HGS: variants seen among roughly 807,000 people sequenced by gnomAD.
HGS encodes the protein hepatocyte growth factor-regulated tyrosine kinase substrate.
A neutral mutation model predicts 109.7 loss-of-function variants in HGS; 63 were observed. The observed-to-expected ratio is 0.57, with a 90% CI of 0.47 to 0.71. HGS has a LOEUF of 0.71. HGS is among the 30% of genes least tolerant of loss of function. The pLI is 0.00. For synonymous variants in HGS, 546 were observed against 437.3 expected (o/e 1.25, Z -3.10); for missense variants, 995 against 1,068.3 (o/e 0.93, Z 0.96).
chr17:81,688,925 G>A, intron 5 of HGS, 98 bp downstream of exon 5: 1 of 1,489,834 alleles, frequency 6.7e-7, no homozygotes, highest in Non-Finnish European at 9.3e-7. Flanking sequence ...AAGATGGGTT[G>A]TTCCCTGTGT....
chr17:81,685,201 G>C (rs1272688422), intron 1 of HGS: 1 of 356,602 alleles, frequency 2.8e-6, no homozygotes, highest in Admixed American at 6.4e-5. Context: ...CATTGAAACC[G>C]GGAGCATCTG....
rs1598751569 is a variant in HGS at position 81,700,315 on chromosome 17, G to A, written c.1883-152G>A. The A allele has an allele frequency of 1.8e-5, 13 of 716,772 alleles. No individual in the cohort carries two copies. The East Asian group carries it at 4.0e-4, about 22-fold the overall frequency. The allele number at this position is 716,772 out of a possible 1,614,324, so 44.4% of individuals were successfully genotyped here. A position where few individuals can be genotyped will look rare whatever the true frequency, so the allele number is the denominator to read the frequency against. On this transcript the variant is annotated intron_variant, in intron 18 of 21. Coordinates refer to ENST00000329138, the MANE Select transcript of HGS (RefSeq NM_004712.5). The stretch of plus-strand genomic sequence containing the variant: ...ACCCGGGAGGCAGAGGTTGCAGTGA[G>A]CCAGGATTGTGCCACTGCACTCCAG...
At chr17:81,700,957 G>A in intron 20 of HGS, 88 bp from the exon 21 acceptor site, 1 of 1,531,754 alleles carries the variant, frequency 6.5e-7, no homozygotes, top group Non-Finnish European at 9.0e-7. Context: ...GCTCCCTGTG[G>A]TCACCTTTGG....
intron 15 of HGS, 172 bp from the exon 16 acceptor site, chr17:81,696,185 G>C: frequency 1.0e-6 from 1 of 963,354 alleles, no homozygotes; most frequent in African/African-American, 1.7e-5. Context: ...GCCCTGCCCT[G>C]CCCTGCCCTG....
intron 14 of HGS, 39 bp from the exon 15 acceptor site, chr17:81,695,747 G>C: frequency 6.3e-7 from 1 of 1,599,200 alleles, no homozygotes; most frequent in Non-Finnish European, 8.6e-7. Flanking sequence ...GCTGGCTGGG[G>C]CGTGGCCGCA....
At position 81,701,657 on chromosome 17, in the gene HGS, G is replaced by C. The variant is rs1390233628; in HGVS notation, c.*39G>C. ...CACGTCCGGAGTAACACTACATACAGTTCACCTGAAACGCCTCGTCTCTAA... is the reference window on the plus strand; with the variant it reads ...CACGTCCGGAGTAACACTACATACACTTCACCTGAAACGCCTCGTCTCTAA... On this transcript the variant is annotated 3_prime_UTR_variant, in exon 22 of 22. Transcript: ENST00000329138. The C allele has an allele frequency of 6.6e-6, 10 of 1,519,080 alleles. No homozygotes were observed. Among genetic ancestry groups the C allele is most frequent in the Non-Finnish European group, 7.9e-6 (9 of 1,132,378 alleles). 94.1% of individuals were successfully genotyped at this position (1,519,080 alleles called of 1,614,324 possible). A position where few individuals can be genotyped will look rare whatever the true frequency, so the allele number is the denominator to read the frequency against.
At position 81,696,000 on chromosome 17, in the gene HGS, G is replaced by A; in HGVS notation, c.1393+1G>A. The stretch of plus-strand genomic sequence containing the variant: ...CTCAACCAGCTGGACGAGCGCAGGC[G>A]TAGGTGCCCGCGCCACGGGGCCTCG... On this transcript the variant is annotated splice_donor_variant, in intron 15 of 21. Transcript: ENST00000329138. LOFTEE classifies it high-confidence loss of function. 6.5e-7 allele frequency: 1 copy of A among 1,546,388 alleles called. No homozygotes were observed. Among genetic ancestry groups the A allele is most frequent in the Non-Finnish European group, 8.7e-7 (1 of 1,144,310 alleles).
At chr17:81,685,817 G>T (rs2036970245) in intron 2 of HGS, 128 bp downstream of exon 2, 3 of 624,628 alleles carry the variant, frequency 4.8e-6, no homozygotes, top group Non-Finnish European at 8.2e-6. Flanking sequence ...AACTGCATGG[G>T]CTACATGCTA....
In HGS at chr17:81,684,063, C is replaced by A. The variant is rs368213492; in HGVS notation, c.-4C>A. The A allele has an allele frequency of 6.7e-5, 107 of 1,593,628 alleles. No homozygotes were observed. Among genetic ancestry groups the A allele is most frequent in the African/African-American group, 1.7e-4 (13 of 74,532 alleles). On this transcript the variant is annotated 5_prime_UTR_variant, in exon 1 of 22. Transcript: ENST00000329138. ...GCGGCGTCGGGTTTGGGCTGGAGGT[C>A]GCCATGGGGCGAGGCAGCGGCACCT...
At chr17:81,700,446 C>G (rs370062278) in intron 18 of HGS, 21 bp from the exon 19 acceptor site, 17 of 1,540,998 alleles carry the variant, frequency 1.1e-5, no homozygotes, top group African/African-American at 9.7e-5. Flanking sequence ...TGAACCATCT[C>G]CCCTGTCTTG....
At chr17:81,687,150 C>A in intron 4 of HGS, 55 bp downstream of exon 4, 1 of 1,223,658 alleles carries the variant, frequency 8.2e-7, no homozygotes, top group Non-Finnish European at 1.2e-6. Flanking sequence ...TTTGCTTCTC[C>A]GGGTGTTTAC....
In HGS at chr17:81,696,964, T is replaced by C. The variant is rs752920843; in HGVS notation, c.1848T>C (p.Ala616=). 3 of 1,600,972 alleles carry C rather than the reference T, an allele frequency of 1.9e-6. No homozygotes were observed. The highest frequency in any genetic ancestry group is 1.7e-6 in the Non-Finnish European group (2 of 1,177,228). The change falls in exon 18 of 22, where the codon GCT becomes GCC. Residue 616 remains alanine (A), a synonymous_variant. Coordinates refer to ENST00000329138, the MANE Select transcript of HGS (RefSeq NM_004712.5). ...GVYMSQPAPA[A]GPYPSMPSTA... is the part of the protein sequence containing the mutation. ...ACATGAGCCAGCCGGCCCCTGCCGC[T>C]GGCCCCTACCCCAGCATGCCCAGCA...
At chr17:81,684,535 TGG>T (rs908739861) in intron 1 of HGS, 3 of 166,918 alleles carry the variant, frequency 1.8e-5, no homozygotes, top group African/African-American at 7.1e-5. Flanking sequence ...GTGTTCTCTC[TGG>T]GACCTTCGAG....
At chr17:81,687,130 G>A (rs765861156) in intron 4 of HGS, 35 bp downstream of exon 4, 4 of 1,473,332 alleles carry the variant, frequency 2.7e-6, no homozygotes, top group African/African-American at 2.8e-5. Flanking sequence ...TGGCCACCCA[G>A]GCTGGCACCT....
intron 8 of HGS, among the ~76,000 whole-genome samples, chr17:81,693,279 C>T (rs1270510491): frequency 6.6e-6 from 1 of 152,222 alleles, no homozygotes; most frequent in Non-Finnish European, 1.5e-5. Flanking sequence ...GGAACTGGGG[C>T]TTACCCTGAG....
chr17:81,701,639 G>A lies in HGS; in HGVS notation c.*21G>A, dbSNP rs373222907. ...ACTGACCCAGGCCATGCTCACGTCC[G>A]GAGTAACACTACATACAGTTCACCT... On this transcript the variant is annotated 3_prime_UTR_variant, in exon 22 of 22. Transcript: ENST00000329138. 6.6e-5 allele frequency: 101 copies of A among 1,540,752 alleles called. No homozygotes were observed. In the East Asian group the frequency reaches 1.6e-3, roughly 25 times the overall value.
Position 81,700,808 on chromosome 17 carries a change from C to A in HGS, c.2130C>A (p.Asn710Lys). Residue 710 changes from asparagine (N) to lysine (K), a missense_variant, in exon 20 of 22, where the codon AAC becomes AAA. Physicochemically the swap from Asn to Lys is moderately conservative, Grantham distance 94. Around this residue, in one of 6 missense-constraint regions of HGS, gnomAD observed 326 missense variants for 309.7 expected, o/e 1.05. Transcript: ENST00000329138. ...TCTCCATGGGCTACCAGCCTTACAA[C>A]ATGCAGGTACAGTGACCTCCAGGCC... Reference protein sequence around the residue: ...QSVSMGYQPYNMQNLMTTLPS... With the variant: ...QSVSMGYQPYKMQNLMTTLPS... 6.2e-7 allele frequency: 1 copy of A among 1,611,328 alleles called. No individual in the cohort carries two copies.
In HGS at chr17:81,690,427, G is replaced by A. The variant is rs903219680; in HGVS notation, c.468+193G>A. ...GGCGAGGTGGAGACGTGGCTTGAGG[G>A]CCTTTAGAGTGGCTAGGGGGCTCGG... is the stretch of plus-strand genomic sequence containing the variant. On this transcript the variant is annotated intron_variant, in intron 6 of 21. Transcript: ENST00000329138. 13 of 668,102 alleles carry A rather than the reference G, an allele frequency of 1.9e-5. No individual in the cohort carries two copies. In the Admixed American group the frequency reaches 2.5e-4, roughly 13 times the overall value. The allele number at this position is 668,102 out of a possible 1,614,324, so 41.4% of individuals were successfully genotyped here. A position where few individuals can be genotyped will look rare whatever the true frequency, so the allele number is the denominator to read the frequency against.
intron 7 of HGS, 89 bp downstream of exon 7, chr17:81,690,831 C>A: frequency 8.4e-7 from 1 of 1,193,186 alleles, no homozygotes; most frequent in South Asian, 1.4e-5. Context: ...TGGGCCTTTC[C>A]TTCCTGGTGG....
Sources: allele counts gnomAD v4.1 joint callset (sites outside exome capture counted in the v4.1 genomes callset), GRCh38; gene constraint gnomAD v4.1.1; regional missense constraint gnomAD v4.1.1; transcripts MANE v1.5; gene names NCBI Gene and HGNC (gene_info 2026-07-23, HGNC 2026-07-21).